ABCA4: variants seen among roughly 807,000 people sequenced by gnomAD.
ABCA4 encodes ATP binding cassette subfamily A member 4.
Under a neutral mutation model 263.7 loss-of-function variants are expected in ABCA4, and 196 were observed. The ratio of observed to expected loss-of-function variants is 0.74; its 90% CI spans 0.66 to 0.84. ABCA4 has a LOEUF of 0.84. Ranked by LOEUF, ABCA4 falls within the 40% of genes least tolerant of loss-of-function variation. The pLI is 0.00. For missense variants in ABCA4, 2,792 were observed against 2,855.1 expected (o/e 0.98, Z 0.50); for synonymous variants, 1,133 against 1,094.2 (o/e 1.04, Z -0.70).
At chr1:94,079,906 C>A (rs925768712) in intron 8 of ABCA4, among the ~76,000 whole-genome samples, 1 of 152,008 alleles carries the variant, frequency 6.6e-6, no homozygotes, top group Admixed American at 6.6e-5. Flanking sequence ...TTTGGCATGT[C>A]CCTTGCTGCC....
intron 16 of ABCA4, among the ~76,000 whole-genome samples, chr1:94,052,471 C>T (rs1660864974): frequency 6.6e-6 from 1 of 152,190 alleles, no homozygotes; most frequent in African/African-American, 2.4e-5. Flanking sequence ...GGATCTTTAT[C>T]TCCACCGCTC....
rs745511918 is a variant in ABCA4, at chr1:94,032,040, C to T, written c.3866G>A (p.Gly1289Asp). Residue 1289 changes from glycine (G) to aspartate (D), a missense_variant, in exon 27 of 50, where the codon GGC (glycine) becomes GAC (aspartate). By Grantham distance (94) the Gly-to-Asp change is moderately conservative (BLOSUM62 -1). Coordinates refer to ENST00000370225, the MANE Select transcript of ABCA4 (RefSeq NM_000350.3). ...GACGTTTTCTCTTTTCTGCTGAGCG[C>T]CACCTGTTTTGAGAGATTGAATTAA... ...DSDSGPLFAG[G>D]AQQKRENVNP... 1 of 1,610,646 alleles carries T rather than the reference C, an allele frequency of 6.2e-7. No individual in the cohort carries two copies. Among genetic ancestry groups the T allele is most frequent in the South Asian group, 1.1e-5 (1 of 91,066 alleles).
chr1:94,116,998 CTTTCTTTCTTTCT>C (rs747776108), intron 1 of ABCA4, among the ~76,000 whole-genome samples: 3 of 116,590 alleles, frequency 2.6e-5, no homozygotes, highest in Non-Finnish European at 5.4e-5. Flanking sequence ...TTCTTTCTTT[CTTTCTTTCTTTCT>C]TTCTTTCTTT....
chr1:94,088,258 G>T (rs1661884207), intron 6 of ABCA4, among the ~76,000 whole-genome samples: 1 of 152,146 alleles, frequency 6.6e-6, no homozygotes, highest in African/African-American at 2.4e-5. Context: ...CTGTGACACT[G>T]CTTTTGCCTG....
rs1019525186 is a variant in ABCA4 at position 94,056,759 on chromosome 1, T to C, written c.2224A>G (p.Thr742Ala). The stretch of plus-strand genomic sequence containing the variant: ...AGAAAGCACAGCATGATGGTGGCAG[T>C]GGAGAAAGCCAACAAGAACAGGAAG... ...ILFLFLLAFS[T>A]ATIMLCFLLS... The change falls in exon 15 of 50, where the codon ACT (threonine) becomes GCT (alanine). Residue 742 changes from threonine to alanine, a missense_variant. Coordinates refer to ENST00000370225, the MANE Select transcript of ABCA4 (RefSeq NM_000350.3). 6.2e-7 allele frequency: 1 copy of C among 1,613,680 alleles called. No individual in the cohort carries two copies. The highest frequency in any genetic ancestry group is 1.3e-5 in the African/African-American group (1 of 75,062).
At chr1:94,024,857 G>T in intron 31 of ABCA4, 97 bp downstream of exon 31, 1 of 1,123,632 alleles carries the variant, frequency 8.9e-7, no homozygotes, top group South Asian at 1.3e-5. Flanking sequence ...CTACTGCCCT[G>T]ATCATACATA....
intron 28 of ABCA4, among the ~76,000 whole-genome samples, chr1:94,030,735 A>G (rs940915604): frequency 2.0e-5 from 3 of 152,150 alleles, no homozygotes; most frequent in Admixed American, 2.0e-4. Context: ...CCTCAAAAAG[A>G]TGGCGCTTCA....
At position 94,108,596 on chromosome 1, in the gene ABCA4, A is replaced by T. The variant is rs753034126; in HGVS notation, c.423T>A (p.Thr141=). The T allele has an allele frequency of 1.2e-6, 2 of 1,613,526 alleles. No individual in the cohort carries two copies. ...GCTTACCTGCAATTCTCTCCGGGTG[A>T]GTCCGGAGGGTGTCCATGAATTGGG... The part of the protein sequence containing the change: ...ILSQFMDTLR[T]HPERIAGRGI... Residue 141 remains threonine, a synonymous_variant, in exon 4 of 50, where the codon ACT becomes ACA. Coordinates refer to ENST00000370225, the MANE Select transcript of ABCA4 (RefSeq NM_000350.3).
At chr1:94,022,305 C>A (rs937511309) in intron 32 of ABCA4, among the ~76,000 whole-genome samples, 16 of 152,224 alleles carry the variant, frequency 1.1e-4, no homozygotes, top group African/African-American at 3.9e-4. Context: ...TGCATGGCTG[C>A]TAGCTCCCCT....
At chr1:94,099,737 C>A (rs995134832) in intron 5 of ABCA4, among the ~76,000 whole-genome samples, 1 of 152,168 alleles carries the variant, frequency 6.6e-6, no homozygotes, top group Non-Finnish European at 1.5e-5. Flanking sequence ...GAATAGAACA[C>A]AATTATTTGA....
At chr1:94,008,912 G>GCCAGCAC in intron 40 of ABCA4, 41 bp from the exon 41 acceptor site, 1 of 1,606,806 alleles carries the variant, frequency 6.2e-7, no homozygotes, top group East Asian at 2.2e-5. Context: ...TGGCTGTACA[G>GCCAGCAC]TGTCCTTGGC....
intron 1 of ABCA4, among the ~76,000 whole-genome samples, chr1:94,119,092 A>T (rs574938285): frequency 4.6e-4 from 70 of 152,316 alleles, no homozygotes; most frequent in Non-Finnish European, 8.1e-4. Context: ...GCCATTGTAT[A>T]CCAATGAACC....
Position 94,041,256 on chromosome 1 carries a change from A to C in ABCA4, c.3475T>G (p.Leu1159Val). 6.2e-7 allele frequency: 1 copy of C among 1,614,108 alleles called. No individual in the cohort carries two copies. Among genetic ancestry groups the C allele is most frequent in the East Asian group, 2.2e-5 (1 of 44,864 alleles). Reference protein sequence around the residue: ...NCFGTGLYLTLVRKMKNIQSQ... With the variant: ...NCFGTGLYLTVVRKMKNIQSQ... The stretch of plus-strand genomic sequence containing the variant: ...TGGATGTTTTTCATCTTGCGCACCA[A>C]GGTTAAGTACAAGCCTGTGCCAAAG... The change falls in exon 23 of 50, where the codon TTG (leucine) becomes GTG (valine). Residue 1159 changes from leucine (L) to valine (V), a missense_variant. Coordinates refer to ENST00000370225, the MANE Select transcript of ABCA4 (RefSeq NM_000350.3).
chr1:94,005,740 A>G (rs1194834003), intron 43 of ABCA4, among the ~76,000 whole-genome samples, 158 bp from the exon 44 acceptor site: 3 of 152,192 alleles, frequency 2.0e-5, no homozygotes, highest in African/African-American at 7.2e-5. Context: ...GAATCAAAAC[A>G]GGGGCCCTTC....
At chr1:94,051,500 G>C (rs1316187064) in intron 17 of ABCA4, 133 bp downstream of exon 17, 21 of 810,392 alleles carry the variant, frequency 2.6e-5, no homozygotes, top group Non-Finnish European at 3.8e-5. Context: ...AAGGGGCAGA[G>C]CCCCAGGAGG....
At chr1:94,091,579 TCACACACACACACACACACA>T (rs35529737) in intron 6 of ABCA4, among the ~76,000 whole-genome samples, 6 of 143,754 alleles carry the variant, frequency 4.2e-5, no homozygotes, top group East Asian at 2.1e-4. Context: ...AAACATCATC[TCACACACACACACACACACA>T]CACACACACA....
rs753741017 is a variant in ABCA4 at position 94,008,242 on chromosome 1, G to A, written c.5891C>T (p.Pro1964Leu). The A allele has an allele frequency of 6.2e-7, 1 of 1,614,154 alleles. No homozygotes were observed. The highest frequency in any genetic ancestry group is 8.5e-7 in the Non-Finnish European group (1 of 1,180,016). ...GGTCTGCAGAGTACCCACCTCTCCA[G>A]GGCGAACTCCGACACACAGCCTGTC... ...AVDRLCVGVRPGECFGLLGVN... is the reference protein window; with the variant it reads ...AVDRLCVGVRLGECFGLLGVN... The change falls in exon 42 of 50, where the codon CCT (proline) becomes CTT (leucine). Residue 1964 changes from proline to leucine, a missense_variant. Physicochemically the swap from Pro to Leu is moderately conservative, Grantham distance 98. Coordinates refer to ENST00000370225, the MANE Select transcript of ABCA4 (RefSeq NM_000350.3).
At chr1:94,095,899 G>C (rs1397356542) in intron 6 of ABCA4, among the ~76,000 whole-genome samples, 1 of 151,874 alleles carries the variant, frequency 6.6e-6, no homozygotes, top group Non-Finnish European at 1.5e-5. Context: ...GAGGAGAGCA[G>C]GTAGGGGTGG....
chr1:94,099,443 G>T (rs1011407750), intron 5 of ABCA4, among the ~76,000 whole-genome samples: 1 of 152,208 alleles, frequency 6.6e-6, no homozygotes, highest in Admixed American at 6.5e-5. Context: ...CATCTGTGTT[G>T]TTTGAAGCCA....
Sources: gnomAD v4.1 joint callset for allele counts (sites outside exome capture counted in the v4.1 genomes callset) on GRCh38, gnomAD v4.1.1 for gene constraint, MANE v1.5 for transcripts, NCBI Gene and HGNC (gene_info 2026-07-23, HGNC 2026-07-21) for gene names.